PGBD5: variants seen among roughly 807,000 people sequenced by gnomAD.
PGBD5 encodes piggyBac transposable element-derived protein 5.
A neutral mutation model predicts 47.9 loss-of-function variants in PGBD5; 14 were observed. That is an observed-to-expected ratio of 0.29 (90% CI 0.19 to 0.46). The LOEUF (loss-of-function observed/expected upper bound fraction) is 0.46, where lower values mean the gene tolerates loss of function less well. PGBD5 is among the 20% of genes least tolerant of loss of function. The pLI is 1.00. For missense variants in PGBD5, 635 were observed against 716.0 expected (o/e 0.89, Z 1.29); for synonymous variants, 316 against 306.3 (o/e 1.03, Z -0.33).
At chr1:230,412,589 C>T (rs1296247616) in intron 1 of PGBD5, among the ~76,000 whole-genome samples, 1 of 151,984 alleles carries the variant, frequency 6.6e-6, no homozygotes, top group Non-Finnish European at 1.5e-5. Flanking sequence ...GGGGTTTCAC[C>T]ATGTTAGCCA....
chr1:230,361,211 G>T (rs1042307082), intron 1 of PGBD5, among the ~76,000 whole-genome samples: 1 of 152,164 alleles, frequency 6.6e-6, no homozygotes, highest in African/African-American at 2.4e-5. Context: ...GTGTTGCGGG[G>T]GATAACGCAG....
At chr1:230,365,667 G>A (rs550396216) in intron 1 of PGBD5, among the ~76,000 whole-genome samples, 21 of 152,294 alleles carry the variant, frequency 1.4e-4, no homozygotes, top group South Asian at 4.1e-4. Flanking sequence ...ATGGAGCAGC[G>A]GAAAATAAAG....
intron 1 of PGBD5, among the ~76,000 whole-genome samples, chr1:230,371,115 T>A (rs1667922010): frequency 6.6e-6 from 1 of 152,244 alleles, no homozygotes. Context: ...CGAAGACTTC[T>A]GTTTGCAAGA....
At chr1:230,384,988 G>A (rs1359770788) in intron 1 of PGBD5, among the ~76,000 whole-genome samples, 3 of 152,104 alleles carry the variant, frequency 2.0e-5, no homozygotes, top group African/African-American at 4.8e-5. Context: ...TTTAATCATC[G>A]AACTCAACTT....
intron 1 of PGBD5, among the ~76,000 whole-genome samples, chr1:230,365,490 C>G (rs769732748): frequency 2.0e-5 from 3 of 152,084 alleles, no homozygotes. Flanking sequence ...ACAAGGCACC[C>G]GTACACATAA....
rs74507784 is a variant in PGBD5, at chr1:230,367,183, A to G, written c.332-9862T>C. ...GTCGCAATCAAATTGGGTCCATTTCAGTTTTCCTTCTACTCGGGCCGCTGT... is the reference window on the plus strand; with the variant it reads ...GTCGCAATCAAATTGGGTCCATTTCGGTTTTCCTTCTACTCGGGCCGCTGT... On this transcript the variant is annotated intron_variant, in intron 1 of 6. Coordinates refer to ENST00000391860, the MANE Select transcript of PGBD5 (RefSeq NM_001258311.2). Among the ~76,000 whole-genome samples the G allele has an allele frequency of 3.8e-3, 585 of 152,126 alleles. 4 individuals carry two copies. The highest frequency in any genetic ancestry group is 0.014 in the African/African-American group (565 of 41,500).
intron 2 of PGBD5, among the ~76,000 whole-genome samples, chr1:230,355,484 C>T (rs1426749591): frequency 6.6e-6 from 1 of 152,230 alleles, no homozygotes; most frequent in Non-Finnish European, 1.5e-5. Flanking sequence ...TGCATCCAGG[C>T]AATCGTCTCT....
In PGBD5 at chr1:230,346,376, C is replaced by T. The variant is rs181129793; in HGVS notation, c.894+4582G>A. On this transcript the variant is annotated intron_variant, in intron 3 of 6. Transcript: ENST00000391860. ...TTTTCAATTTACTAGGGGTTTATCA[C>T]AGGGACGTAACCCCATTATAAGTCG... is the stretch of plus-strand genomic sequence containing the variant. 7.9e-4 allele frequency among the ~76,000 whole-genome samples: 121 copies of T among 152,288 alleles called. 1 individual carries two copies. The highest frequency in any genetic ancestry group is 2.9e-3 in the African/African-American group (119 of 41,566).
intron 1 of PGBD5, among the ~76,000 whole-genome samples, chr1:230,381,801 C>T (rs1413887019): frequency 6.6e-6 from 1 of 152,014 alleles, no homozygotes; most frequent in African/African-American, 2.4e-5. Context: ...TGAGCCACCC[C>T]TCCCCTCATT....
chr1:230,425,912 C>A lies in PGBD5; in HGVS notation c.17G>T (p.Gly6Val). 1.8e-6 allele frequency: 2 copies of A among 1,136,526 alleles called. No individual in the cohort carries two copies. Among genetic ancestry groups the A allele is most frequent in the South Asian group, 4.3e-5 (1 of 23,376 alleles). The allele number at this position is 1,136,526 out of a possible 1,614,324, so 70.4% of individuals were successfully genotyped here. ...CGCCGGCGCCCTCCTCCGCGCGCCC[C>A]CGCCGCCCTCGGCCATGGCCCCGGC... is the stretch of plus-strand genomic sequence containing the variant. MAEGG[G>V]GARRRAPALL... is the part of the protein sequence containing the mutation. The change falls in exon 1 of 7, where the codon GGG (glycine) becomes GTG (valine). Residue 6 changes from glycine to valine, a missense_variant. Transcript: ENST00000391860. This position sits in a 1 kb window ranked among gnomAD's most constrained non-coding sequence, Gnocchi z 4.7.
intron 1 of PGBD5, among the ~76,000 whole-genome samples, chr1:230,424,065 C>T (rs893834602): frequency 6.6e-6 from 1 of 152,218 alleles, no homozygotes; most frequent in Admixed American, 6.5e-5. Context: ...AGCACAAGTT[C>T]TCTATTTCGC....
intron 1 of PGBD5, among the ~76,000 whole-genome samples, chr1:230,412,367 GA>G (rs1346414196): frequency 6.6e-6 from 1 of 150,688 alleles, no homozygotes; most frequent in Non-Finnish European, 1.5e-5. Context: ...TCATTAAGGG[GA>G]AATGGATCAT....
At chr1:230,420,460 C>A (rs1657622277) in intron 1 of PGBD5, among the ~76,000 whole-genome samples, 1 of 152,112 alleles carries the variant, frequency 6.6e-6, no homozygotes, top group Non-Finnish European at 1.5e-5. Flanking sequence ...ATGTCCCCAC[C>A]CAAATCTCAC....
intron 5 of PGBD5, among the ~76,000 whole-genome samples, chr1:230,331,093 T>A (rs1035968390): frequency 2.6e-5 from 4 of 152,118 alleles, no homozygotes; most frequent in Non-Finnish European, 5.9e-5. Flanking sequence ...TGCCTTGAGA[T>A]ACCTTTTCAG....
Position 230,359,359 on chromosome 1 carries a change from C to T in PGBD5, c.332-2038G>A, listed in dbSNP as rs186221977. ...GATTACAGGTGTGAGCCACCGCGCC[C>T]GGCCTGTGTATCGATTGCTAACAAA... is the stretch of plus-strand genomic sequence containing the variant. On this transcript the variant is annotated intron_variant, in intron 1 of 6. Transcript: ENST00000391860. 7.3e-3 allele frequency among the ~76,000 whole-genome samples: 1,105 copies of T among 152,286 alleles called. 3 individuals are homozygous for T. Among genetic ancestry groups the T allele is most frequent in the South Asian group, 0.019 (90 of 4,834 alleles).
intron 2 of PGBD5, among the ~76,000 whole-genome samples, chr1:230,355,846 C>T (rs1667633567): frequency 6.6e-6 from 1 of 152,152 alleles, no homozygotes; most frequent in African/African-American, 2.4e-5. Context: ...ACATGTTCAC[C>T]AGACAGTGGG....
chr1:230,365,110 G>C (rs1391506196), intron 1 of PGBD5, among the ~76,000 whole-genome samples: 1 of 151,356 alleles, frequency 6.6e-6, no homozygotes, highest in Non-Finnish European at 1.5e-5. Context: ...TCAGGATATT[G>C]AGACCATCCT....
rs959810457 is a variant in PGBD5, at chr1:230,321,315, TAA to T, written c.*2108_*2109del. On this transcript the variant is annotated 3_prime_UTR_variant, in exon 7 of 7. Coordinates refer to ENST00000391860, the MANE Select transcript of PGBD5 (RefSeq NM_001258311.2). ...TATATAACAAAAAAAATCAAGTATT[TAA>T]AAGAGTAGCCTGTATTTTTGTTCCT... The T allele has an allele frequency of 2.0e-5, 3 of 152,228 alleles. No individual in the cohort carries two copies. The highest frequency in any genetic ancestry group is 7.2e-5 in the African/African-American group (3 of 41,458). The allele number at this position is 152,228 out of a possible 1,614,324, so 9.4% of individuals were successfully genotyped here.
chr1:230,373,111 T>C (rs1169723391), intron 1 of PGBD5, among the ~76,000 whole-genome samples: 5 of 152,238 alleles, frequency 3.3e-5, no homozygotes, highest in African/African-American at 1.2e-4. Context: ...CCGCTAGGTA[T>C]GGACAATGCC....
Sources: gnomAD v4.1 joint callset for allele counts (sites outside exome capture counted in the v4.1 genomes callset) on GRCh38, gnomAD v4.1.1 for gene constraint, Gnocchi (gnomAD v3.1) non-coding constraint, MANE v1.5 for transcripts, NCBI Gene and HGNC (gene_info 2026-07-23, HGNC 2026-07-21) for gene names.